Variants in A2M observed in about 807,000 individuals in gnomAD.
The protein encoded by A2M is alpha-2-macroglobulin.
In A2M, 128 loss-of-function variants were observed where a neutral mutation model predicts 183.9. That is an observed-to-expected ratio of 0.70 (90% confidence interval 0.60 to 0.81). The LOEUF (loss-of-function observed/expected upper bound fraction) is 0.81, where lower values mean the gene tolerates loss of function less well. Among genes scored for constraint, A2M ranks in the 30% least tolerant of loss-of-function variants. A2M has a pLI of 0.00. For missense variants in A2M, 1,495 were observed against 1,787.6 expected (o/e 0.84, Z 2.95); for synonymous variants, 592 against 670.8 (o/e 0.88, Z 1.81).
At chr12:9,096,381 GGAAATGATAGTTTTGTGCTTATCTT>G (rs1238478086) in intron 15 of A2M, among the ~76,000 whole-genome samples, 1 of 152,196 alleles carries the variant, frequency 6.6e-6, no homozygotes, top group South Asian at 2.1e-4. Context: ...GATGATAGAA[GGAAATGATAGTTTTGTGCTTATCTT>G]GTGGTGAGCA....
At chr12:9,108,660 C>G (rs966092827) in intron 7 of A2M, among the ~76,000 whole-genome samples, 2 of 152,168 alleles carry the variant, frequency 1.3e-5, no homozygotes, top group African/African-American at 4.8e-5. Context: ...CAGGACTATA[C>G]CTGCTCTTCC....
At chr12:9,091,006 T>C (rs1949193868) in intron 19 of A2M, among the ~76,000 whole-genome samples, 195 bp downstream of exon 19, 2 of 152,072 alleles carry the variant, frequency 1.3e-5, no homozygotes, top group African/African-American at 4.8e-5. Flanking sequence ...AATACTAACT[T>C]TGAAGGGTTA....
intron 22 of A2M, among the ~76,000 whole-genome samples, chr12:9,082,288 A>G (rs1948931034): frequency 6.6e-6 from 1 of 152,204 alleles, no homozygotes; most frequent in South Asian, 2.1e-4. Context: ...GCCTAACTTC[A>G]GGTCCCAAAT....
chr12:9,108,127 T>C (rs894271030), intron 7 of A2M, among the ~76,000 whole-genome samples: 1 of 151,410 alleles, frequency 6.6e-6, no homozygotes, highest in Non-Finnish European at 1.5e-5. Context: ...TATTTTATTT[T>C]ATTTTATTTT....
intron 29 of A2M, 144 bp downstream of exon 29, chr12:9,074,416 C>G: frequency 1.3e-6 from 1 of 799,498 alleles, no homozygotes; most frequent in Non-Finnish European, 2.0e-6. Context: ...GCTTTTATTT[C>G]CATTATCCTT....
intron 11 of A2M, 32 bp from the exon 12 acceptor site, chr12:9,101,706 G>C (rs756094325): frequency 1.4e-6 from 2 of 1,476,350 alleles, no homozygotes; most frequent in Admixed American, 3.7e-5. Flanking sequence ...ATTATTTTTA[G>C]ATTATACGTC....
chr12:9,113,914 G>A (rs929653267), intron 1 of A2M, among the ~76,000 whole-genome samples: 10 of 152,036 alleles, frequency 6.6e-5, no homozygotes, highest in African/African-American at 1.5e-4. Flanking sequence ...TCAGTCATGC[G>A]GACATTACAA....
rs34803501 is a variant in A2M at position 9,109,034 on chromosome 12, T to TTGTG, written c.758+283_758+286dup. Among the ~76,000 whole-genome samples, 625 of 151,222 alleles carry TTGTG rather than the reference T, an allele frequency of 4.1e-3. 4 individuals are homozygous for TTGTG. Among genetic ancestry groups the TTGTG allele is most frequent in the African/African-American group, 0.013 (535 of 41,162 alleles). ...TTCAACACTATCCACCCTTCCCATT[T>TTGTG]TGTGTGTGTGTGTGTGTGCAGTTTT... On this transcript the variant is annotated intron_variant, in intron 7 of 35. Transcript: ENST00000318602.
chr12:9,074,751 G>A lies in A2M; in HGVS notation c.3565C>T (p.Pro1189Ser). Reference sequence around the variant, plus strand: ...TAAAAATGCCCCACTGGTGCCTTGGGTTTCTGAGGGCGCTCCCAATGGACA... The same window carrying A: ...TAAAAATGCCCCACTGGTGCCTTGGATTTCTGAGGGCGCTCCCAATGGACA... Reference protein sequence around the residue: ...NSVHWERPQKPKAPVGHFYEP... With the variant: ...NSVHWERPQKSKAPVGHFYEP... The change falls in exon 29 of 36, where the codon CCC (proline) becomes TCC (serine). Residue 1189 changes from proline (P) to serine (S), a missense_variant. By Grantham distance (74) the Pro-to-Ser change is moderately conservative. Transcript: ENST00000318602. The A allele has an allele frequency of 1.9e-6, 3 of 1,613,524 alleles. No individual in the cohort carries two copies. The highest frequency in any genetic ancestry group is 2.2e-5 in the East Asian group (1 of 44,858).
intron 4 of A2M, chr12:9,111,381 G>A (rs951397467): frequency 8.3e-6 from 3 of 363,482 alleles, no homozygotes; most frequent in South Asian, 2.2e-5. Flanking sequence ...AGTGATGGGT[G>A]TGGTGCCTCA....
intron 17 of A2M, 87 bp from the exon 18 acceptor site, chr12:9,093,666 A>C (rs937053068): frequency 4.0e-6 from 3 of 745,322 alleles, no homozygotes; most frequent in South Asian, 3.0e-5. Context: ...AAAAAAAAAA[A>C]CAAAAAACAA....
intron 22 of A2M, 48 bp from the exon 23 acceptor site, chr12:9,080,225 A>G: frequency 7.6e-7 from 1 of 1,323,034 alleles, no homozygotes; most frequent in Admixed American, 2.0e-5. Flanking sequence ...TCTGCATTAT[A>G]TCTTTCTAAA....
At chr12:9,093,649 G>C in intron 17 of A2M, 70 bp from the exon 18 acceptor site, 1 of 782,360 alleles carries the variant, frequency 1.3e-6, no homozygotes, top group Non-Finnish European at 1.8e-6. Flanking sequence ...TGTAATAGTT[G>C]CCACCAAAAA....
intron 24 of A2M, 72 bp from the exon 25 acceptor site, chr12:9,079,403 T>C: frequency 7.0e-7 from 1 of 1,433,812 alleles, no homozygotes; most frequent in East Asian, 2.3e-5. Context: ...TTACTAAAAG[T>C]ACCTTGGCTT....
chr12:9,114,069 C>T (rs1452078836), intron 1 of A2M, among the ~76,000 whole-genome samples: 1 of 152,178 alleles, frequency 6.6e-6, no homozygotes, highest in East Asian at 1.9e-4. Context: ...GAAAGTGAGC[C>T]ATTACTTCAC....
Position 9,090,529 on chromosome 12 carries a change from G to T in A2M, c.2470-47C>A, listed in dbSNP as rs750589707. 5.0e-6 allele frequency: 8 copies of T among 1,595,918 alleles called. No homozygotes were observed. The South Asian group carries it at 6.7e-5, about 13-fold the overall frequency. Reference sequence around the variant, plus strand: ...GGAGTAGAGAGGGAAGGAGAACAGAGGGAGAATGGGTTTGAAGTAAAGCAT... The same window carrying T: ...GGAGTAGAGAGGGAAGGAGAACAGATGGAGAATGGGTTTGAAGTAAAGCAT... On this transcript the variant is annotated intron_variant, in intron 19 of 35. Transcript: ENST00000318602.
intron 26 of A2M, 112 bp downstream of exon 26, chr12:9,077,589 G>C: frequency 6.5e-7 from 1 of 1,527,948 alleles, no homozygotes; most frequent in Non-Finnish European, 8.9e-7. Flanking sequence ...TGCCATCCAG[G>C]TTTTATTTTC....
chr12:9,101,985 C>A (rs140212455), intron 11 of A2M, among the ~76,000 whole-genome samples: 66 of 152,300 alleles, frequency 4.3e-4, no homozygotes, highest in Middle Eastern at 3.4e-3. Flanking sequence ...ATTAGAGACA[C>A]TGGAGCTATG....
chr12:9,098,706 G>A lies in A2M; in HGVS notation c.1752C>T (p.His584=). The part of the protein sequence containing the change: ...PSQSLPASHA[H]LRVTAAPQSV... Reference sequence around the variant, plus strand: ...ACTGAGGAGCCGCTGTGACTCGCAGGTGGGCGTGTGAGGCTGGGAGACTTT... The same window carrying A: ...ACTGAGGAGCCGCTGTGACTCGCAGATGGGCGTGTGAGGCTGGGAGACTTT... Residue 584 remains histidine (H), a synonymous_variant, in exon 15 of 36, where the codon CAC becomes CAT. Transcript: ENST00000318602. 7 of 1,612,748 alleles carry A rather than the reference G, an allele frequency of 4.3e-6. No individual in the cohort carries two copies. Among genetic ancestry groups the A allele is most frequent in the Non-Finnish European group, 5.9e-6 (7 of 1,179,664 alleles).
Sources: allele counts gnomAD v4.1 joint callset (sites outside exome capture counted in the v4.1 genomes callset), GRCh38; gene constraint gnomAD v4.1.1; transcripts MANE v1.5; gene names NCBI Gene and HGNC (gene_info 2026-07-23, HGNC 2026-07-21).